The following CDK19 variants were observed in gnomAD, a reference collection of about 807,000 sequenced individuals.
CDK19 encodes cyclin dependent kinase 19.
Under a neutral mutation model 68.3 loss-of-function variants are expected in CDK19, and 20 were observed. That is an observed-to-expected ratio of 0.29 (90% CI 0.21 to 0.43). CDK19 has a LOEUF of 0.43. CDK19 is among the 20% of genes least tolerant of loss of function. The probability of loss-of-function intolerance (pLI) is 1.00; values close to 1 mark genes in which losing one functional copy is unlikely to be tolerated. For missense variants in CDK19, 339 were observed against 623.5 expected (o/e 0.54, Z 4.86); for synonymous variants, 221 against 222.8 (o/e 0.99, Z 0.07).
intron 1 of CDK19, among the ~76,000 whole-genome samples, chr6:110,756,979 G>C (rs961929141): frequency 2.0e-5 from 3 of 152,146 alleles, no homozygotes; most frequent in Non-Finnish European, 4.4e-5. Flanking sequence ...AACCACAGAA[G>C]TAACTGTGAT....
intron 2 of CDK19, among the ~76,000 whole-genome samples, chr6:110,683,858 T>C (rs1048452117): frequency 2.6e-5 from 4 of 151,494 alleles, no homozygotes; most frequent in South Asian, 2.1e-4. Flanking sequence ...CATGCCACCA[T>C]GTCTAGCTCA....
chr6:110,686,941 G>A lies in CDK19; in HGVS notation c.205-16400C>T, dbSNP rs1190815925. On this transcript the variant is annotated intron_variant, in intron 2 of 12. Coordinates refer to ENST00000368911, the MANE Select transcript of CDK19 (RefSeq NM_015076.5). Reference sequence around the variant, plus strand: ...CGGCCAGGTGCGGTGGCTCGTGCCTGTAATCCCAGCACTTTGGGAGGCCAA... The same window carrying A: ...CGGCCAGGTGCGGTGGCTCGTGCCTATAATCCCAGCACTTTGGGAGGCCAA... 2.0e-5 allele frequency among the ~76,000 whole-genome samples: 3 copies of A among 152,296 alleles called. No homozygotes were observed. The South Asian group carries it at 6.2e-4, about 32-fold the overall frequency.
intron 6 of CDK19, among the ~76,000 whole-genome samples, chr6:110,629,107 A>G (rs1228431102): frequency 6.6e-6 from 1 of 152,124 alleles, no homozygotes; most frequent in Non-Finnish European, 1.5e-5. Flanking sequence ...TACCAGGACT[A>G]CTACTGCATG....
intron 1 of CDK19, among the ~76,000 whole-genome samples, chr6:110,781,004 G>GTAGT (rs1780770713): frequency 6.6e-6 from 1 of 152,162 alleles, no homozygotes; most frequent in Non-Finnish European, 1.5e-5. Context: ...ATAGCATTAT[G>GTAGT]TAGTTCTTTA....
At chr6:110,806,740 G>C (rs1416859441) in intron 1 of CDK19, among the ~76,000 whole-genome samples, 3 of 152,208 alleles carry the variant, frequency 2.0e-5, no homozygotes, top group African/African-American at 7.2e-5. Flanking sequence ...CACTTTGGGA[G>C]GCTGAGGCAG....
At chr6:110,717,226 A>T (rs1775476143) in intron 2 of CDK19, among the ~76,000 whole-genome samples, 1 of 81,638 alleles carries the variant, frequency 1.2e-5, no homozygotes, top group Non-Finnish European at 3.4e-5. Flanking sequence ...ATATCTATAT[A>T]TCACATATAT....
In CDK19 at chr6:110,646,292, G is replaced by A. The variant is rs1473629737; in HGVS notation, c.457-7586C>T. The A allele has an allele frequency of 4.0e-6, 6 of 1,505,684 alleles. No homozygotes were observed. The Admixed American group carries it at 8.4e-5, about 21-fold the overall frequency. 93.3% of individuals were successfully genotyped at this position (1,505,684 alleles called of 1,614,324 possible). ...TGTGCTGCCCCGCCAACATGTGCAAGCACAAGGTGCTCAGCGACTACCTGC... is the reference window on the plus strand; with the variant it reads ...TGTGCTGCCCCGCCAACATGTGCAAACACAAGGTGCTCAGCGACTACCTGC... On this transcript the variant is annotated intron_variant, in intron 4 of 12. Transcript: ENST00000368911.
chr6:110,646,178 G>C (rs1376094116), intron 4 of CDK19: 3 of 1,202,668 alleles, frequency 2.5e-6, no homozygotes, highest in Admixed American at 2.2e-5. Flanking sequence ...CCGGCCACCA[G>C]AGCCTGTTCC....
chr6:110,763,054 T>A (rs150664139), intron 1 of CDK19, among the ~76,000 whole-genome samples: 1 of 152,224 alleles, frequency 6.6e-6, no homozygotes, highest in East Asian at 1.9e-4. Context: ...TATTGGGAAC[T>A]ACAACGCTTG....
At chr6:110,699,791 T>C (rs1773834358) in intron 2 of CDK19, among the ~76,000 whole-genome samples, 1 of 152,192 alleles carries the variant, frequency 6.6e-6, no homozygotes, top group African/African-American at 2.4e-5. Context: ...AACTATCTTG[T>C]ACAGAAAATA....
intron 2 of CDK19, among the ~76,000 whole-genome samples, chr6:110,729,319 G>T: frequency 6.6e-6 from 1 of 152,050 alleles, no homozygotes; most frequent in Non-Finnish European, 1.5e-5. Context: ...TGGACAAGAG[G>T]TTACTGAAAA....
At chr6:110,640,991 A>C (rs1357143048) in intron 4 of CDK19, among the ~76,000 whole-genome samples, 1 of 152,122 alleles carries the variant, frequency 6.6e-6, no homozygotes, top group East Asian at 1.9e-4. Context: ...AGTTTGAGAA[A>C]TGTGAAATGC....
intron 1 of CDK19, among the ~76,000 whole-genome samples, chr6:110,766,516 T>C (rs1297158172): frequency 1.3e-5 from 2 of 151,818 alleles, no homozygotes; most frequent in African/African-American, 4.8e-5. Flanking sequence ...AGGCAGAGGT[T>C]CCAGTGAGCC....
In CDK19 at chr6:110,641,646, A is replaced by AAAGAAAGAAAGGAAGGAAGGAAGGAAGG. The variant is rs60451345; in HGVS notation, c.457-2941_457-2940insCCTTCCTTCCTTCCTTCCTTTCTTTCTT. ...GGAGAGGAAAGGAGGAAAGGGAAAG[A>AAAGAAAGAAAGGAAGGAAGGAAGGAAGG]AAGGAAGGAAGGAAGGAAGGAAGGA... On this transcript the variant is annotated intron_variant, in intron 4 of 12. Transcript: ENST00000368911. Among the ~76,000 whole-genome samples, 300 of 131,452 alleles carry AAAGAAAGAAAGGAAGGAAGGAAGGAAGG rather than the reference A, an allele frequency of 2.3e-3. 4 individuals are homozygous for AAAGAAAGAAAGGAAGGAAGGAAGGAAGG. Among genetic ancestry groups the AAAGAAAGAAAGGAAGGAAGGAAGGAAGG allele is most frequent in the African/African-American group, 8.6e-3 (287 of 33,246 alleles). 86.2% of individuals were successfully genotyped at this position (131,452 alleles called of 152,430 possible). A position where few individuals can be genotyped will look rare whatever the true frequency, so the allele number is the denominator to read the frequency against.
intron 12 of CDK19, among the ~76,000 whole-genome samples, chr6:110,615,345 A>G (rs1037565873): frequency 1.3e-5 from 2 of 152,234 alleles, no homozygotes; most frequent in Non-Finnish European, 2.9e-5. Context: ...CTTCATCTTC[A>G]TAGTACCTAA....
chr6:110,774,777 C>A (rs1419063512), intron 1 of CDK19, among the ~76,000 whole-genome samples: 1 of 152,150 alleles, frequency 6.6e-6, no homozygotes, highest in South Asian at 2.1e-4. Flanking sequence ...GGGCGAACCC[C>A]ATCTCTACTA....
chr6:110,679,398 A>AG (rs1422794556), intron 2 of CDK19, among the ~76,000 whole-genome samples: 2 of 152,116 alleles, frequency 1.3e-5, no homozygotes, highest in Non-Finnish European at 2.9e-5. Context: ...AGATCACCTG[A>AG]GGTCAGGAGT....
chr6:110,690,845 T>A (rs1772923529), intron 2 of CDK19, among the ~76,000 whole-genome samples: 2 of 151,864 alleles, frequency 1.3e-5, no homozygotes, highest in Non-Finnish European at 2.9e-5. Context: ...GTCACATCCT[T>A]AAGGAAGGGA....
chr6:110,679,148 A>G (rs976087874), intron 2 of CDK19, among the ~76,000 whole-genome samples: 5 of 152,030 alleles, frequency 3.3e-5, no homozygotes, highest in African/African-American at 1.2e-4. Flanking sequence ...ATCTCTACAA[A>G]AAAATAAATT....
Sources: gnomAD v4.1 joint callset for allele counts (sites outside exome capture counted in the v4.1 genomes callset) on GRCh38, gnomAD v4.1.1 for gene constraint, MANE v1.5 for transcripts, NCBI Gene and HGNC (gene_info 2026-07-23, HGNC 2026-07-21) for gene names.